Variants in SLC6A6 observed in about 807,000 individuals in gnomAD.
SLC6A6 encodes the protein solute carrier family 6 member 6.
A neutral mutation model predicts 68.8 loss-of-function variants in SLC6A6; 16 were observed. The ratio of observed to expected loss-of-function variants is 0.23; its 90% confidence interval spans 0.16 to 0.35. The LOEUF is 0.35. Ranked by LOEUF, SLC6A6 falls within the 10% of genes least tolerant of loss-of-function variation. The pLI is 1.00. For synonymous variants in SLC6A6, 312 were observed against 315.4 expected (o/e 0.99, Z 0.12); for missense variants, 474 against 802.8 (o/e 0.59, Z 4.95).
chr3:14,445,679 G>A (rs762526352), intron 3 of SLC6A6, 38 bp from the exon 4 acceptor site: 2 of 1,613,412 alleles, frequency 1.2e-6, no homozygotes, highest in Non-Finnish European at 1.7e-6. Context: ...GCGCTGCCAT[G>A]GCCACAGCCT....
At chr3:14,464,026 G>A (rs1320292913) in intron 6 of SLC6A6, among the ~76,000 whole-genome samples, 2 of 152,238 alleles carry the variant, frequency 1.3e-5, no homozygotes, top group Non-Finnish European at 2.9e-5. Flanking sequence ...ACCCCTGGTA[G>A]AGGTGGCTCC....
At chr3:14,474,000 C>G (rs186030022) in intron 10 of SLC6A6, among the ~76,000 whole-genome samples, 1 of 152,192 alleles carries the variant, frequency 6.6e-6, no homozygotes, top group South Asian at 2.1e-4. Context: ...CAGGGAGGCC[C>G]CGTGTCAGTG....
intron 1 of SLC6A6, among the ~76,000 whole-genome samples, chr3:14,408,818 T>A (rs2124893887): frequency 6.6e-6 from 1 of 151,998 alleles, no homozygotes; most frequent in Admixed American, 6.5e-5. Context: ...TTTGTTTGTT[T>A]GTTTTTGGGA....
intron 2 of SLC6A6, among the ~76,000 whole-genome samples, chr3:14,438,240 AT>A (rs940834125): frequency 3.3e-5 from 5 of 151,170 alleles, no homozygotes; most frequent in African/African-American, 1.2e-4. Context: ...TAAAGCTACT[AT>A]TTATTGATCA....
Position 14,468,343 on chromosome 3 carries a change from C to G in SLC6A6, c.1096+131C>G, listed in dbSNP as rs995178768. ...CCTGGTTTCTAAAATGGACCCCCCC[C>G]CCGCCACCAAGATATCCCCCAAATT... On this transcript the variant is annotated intron_variant, in intron 9 of 14. Coordinates refer to ENST00000622186, the MANE Select transcript of SLC6A6 (RefSeq NM_003043.6). This position sits in a 1 kb window ranked among gnomAD's most constrained non-coding sequence, Gnocchi z 4.5. 43 of 734,432 alleles carry G rather than the reference C, an allele frequency of 5.9e-5. No individual in the cohort carries two copies. The highest frequency in any genetic ancestry group is 2.5e-4 in the South Asian group (11 of 43,464). 45.5% of individuals were successfully genotyped at this position (734,432 alleles called of 1,614,324 possible).
At chr3:14,410,154 G>A (rs1310177635) in intron 1 of SLC6A6, among the ~76,000 whole-genome samples, 5 of 140,406 alleles carry the variant, frequency 3.6e-5, no homozygotes, top group Non-Finnish European at 6.0e-5. Context: ...TCCATCCTAT[G>A]CGACAGAGTG....
intron 5 of SLC6A6, among the ~76,000 whole-genome samples, chr3:14,452,059 G>A (rs962744110): frequency 8.5e-5 from 13 of 152,200 alleles, no homozygotes; most frequent in Admixed American, 7.2e-4. Flanking sequence ...TCAGGGGTAC[G>A]AGGCACCAGG....
At chr3:14,464,150 G>A (rs750767169) in intron 6 of SLC6A6, among the ~76,000 whole-genome samples, 1 of 152,190 alleles carries the variant, frequency 6.6e-6, no homozygotes, top group African/African-American at 2.4e-5. Context: ...AGTCTAGAGC[G>A]GACAGCGGCT....
intron 14 of SLC6A6, among the ~76,000 whole-genome samples, chr3:14,484,242 T>C (rs1378427648): frequency 6.6e-6 from 1 of 152,184 alleles, no homozygotes; most frequent in East Asian, 1.9e-4. Context: ...AGGAGTGATC[T>C]AGAATTCCCA....
At chr3:14,421,442 C>T (rs1699483462) in intron 2 of SLC6A6, among the ~76,000 whole-genome samples, 1 of 152,098 alleles carries the variant, frequency 6.6e-6, no homozygotes, top group Non-Finnish European at 1.5e-5. Context: ...TCAAAACGGG[C>T]CTGATGTAGA....
At chr3:14,444,480 G>T in intron 3 of SLC6A6, 1 of 247,282 alleles carries the variant, frequency 4.0e-6, no homozygotes, top group Non-Finnish European at 8.2e-6. Flanking sequence ...CCTGCTGAAG[G>T]CTCCGAGCAG....
chr3:14,445,589 A>G (rs550594452), intron 3 of SLC6A6, 128 bp from the exon 4 acceptor site: 2 of 1,042,366 alleles, frequency 1.9e-6, no homozygotes, highest in African/African-American at 3.1e-5. Flanking sequence ...CAGGTCCAAG[A>G]GTTTGGCCTT....
At chr3:14,416,176 C>A (rs1246482549) in intron 1 of SLC6A6, among the ~76,000 whole-genome samples, 1 of 152,036 alleles carries the variant, frequency 6.6e-6, no homozygotes, top group Non-Finnish European at 1.5e-5. Context: ...GTGTGTGGGG[C>A]TGGGAGTCTG....
At chr3:14,464,769 C>T (rs989429018) in intron 6 of SLC6A6, among the ~76,000 whole-genome samples, 2 of 152,202 alleles carry the variant, frequency 1.3e-5, no homozygotes, top group East Asian at 1.9e-4. Flanking sequence ...CTCTTCATCT[C>T]AGTTTCCTCT....
chr3:14,478,823 T>C, intron 12 of SLC6A6: 1 of 591,198 alleles, frequency 1.7e-6, no homozygotes, highest in Non-Finnish European at 3.0e-6. Flanking sequence ...CTTTTTTATC[T>C]CCTTGAGGCC....
intron 2 of SLC6A6, among the ~76,000 whole-genome samples, chr3:14,423,299 G>C (rs945734894): frequency 3.3e-5 from 5 of 152,240 alleles, no homozygotes; most frequent in African/African-American, 9.6e-5. Context: ...CTCATGCCTC[G>C]GTGTGATCTC....
At chr3:14,421,239 G>A (rs1195080102) in intron 2 of SLC6A6, among the ~76,000 whole-genome samples, 1 of 152,154 alleles carries the variant, frequency 6.6e-6, no homozygotes, top group South Asian at 2.1e-4. Flanking sequence ...AGAAAAAGCC[G>A]GTAAGCAAAA....
At chr3:14,432,832 G>A (rs949536492) in intron 2 of SLC6A6, 5 of 152,250 alleles carry the variant, frequency 3.3e-5, no homozygotes, top group African/African-American at 9.7e-5. Context: ...TTCTCCTCCA[G>A]CCCAGCTGTG....
At position 14,445,610 on chromosome 3, in the gene SLC6A6, C is replaced by G. The variant is rs536236304; in HGVS notation, c.230-107C>G. The G allele has an allele frequency of 1.4e-4, 171 of 1,262,406 alleles. No individual in the cohort carries two copies. The South Asian group carries it at 1.4e-3, about 10-fold the overall frequency. The allele number at this position is 1,262,406 out of a possible 1,614,324, so 78.2% of individuals were successfully genotyped here. On this transcript the variant is annotated intron_variant, in intron 3 of 14. Transcript: ENST00000622186. ...CAAGAGTTTGGCCTTGAGCCTCATGCCCCTCATGCATTCTCTCTGGTTCCA... is the reference window on the plus strand; with the variant it reads ...CAAGAGTTTGGCCTTGAGCCTCATGGCCCTCATGCATTCTCTCTGGTTCCA...
Sources: gnomAD v4.1 joint callset for allele counts (sites outside exome capture counted in the v4.1 genomes callset) on GRCh38, gnomAD v4.1.1 for gene constraint, Gnocchi (gnomAD v3.1) non-coding constraint, MANE v1.5 for transcripts, NCBI Gene and HGNC (gene_info 2026-07-23, HGNC 2026-07-21) for gene names.